FGD6: variants seen among roughly 807,000 people sequenced by gnomAD.
FGD6 encodes the protein FYVE, RhoGEF and PH domain containing 6, also known as FYVE, RhoGEF and PH domain-containing protein 6.
FGD6 carries 90 observed loss-of-function variants against 149.4 expected under a neutral mutation model. The observed-to-expected ratio is 0.60, with a 90% CI of 0.51 to 0.72. The LOEUF is 0.72. Ranked by LOEUF, FGD6 falls within the 30% of genes least tolerant of loss-of-function variation. The pLI, the probability that FGD6 is intolerant of heterozygous loss-of-function variation, is 0.00. For missense variants in FGD6, 1,437 were observed against 1,684.8 expected (o/e 0.85, Z 2.57); for synonymous variants, 527 against 584.0 (o/e 0.90, Z 1.41).
Position 95,153,009 on chromosome 12 carries a change from C to G in FGD6, c.2587-16G>C, listed in dbSNP as rs1880355021. ...TATCTTCATCCTGTGGATAAGAGCACATTTAACATGAACTCATAAAAGAAT... is the reference window on the plus strand; with the variant it reads ...TATCTTCATCCTGTGGATAAGAGCAGATTTAACATGAACTCATAAAAGAAT... On this transcript the variant is annotated splice_polypyrimidine_tract_variant and intron_variant, in intron 3 of 20. Coordinates refer to ENST00000343958, the MANE Select transcript of FGD6 (RefSeq NM_018351.4). The G allele has an allele frequency of 1.2e-6, 2 of 1,607,826 alleles. No homozygotes were observed. Among genetic ancestry groups the G allele is most frequent in the Non-Finnish European group, 1.7e-6 (2 of 1,174,822 alleles).
intron 18 of FGD6, among the ~76,000 whole-genome samples, chr12:95,088,687 C>G (rs1218991907): frequency 6.6e-6 from 1 of 152,166 alleles, no homozygotes; most frequent in Non-Finnish European, 1.5e-5. Flanking sequence ...ACCCAATATT[C>G]AACAAGAGAT....
chr12:95,106,836 G>A, intron 13 of FGD6, 118 bp downstream of exon 13: 1 of 753,872 alleles, frequency 1.3e-6, no homozygotes, highest in Middle Eastern at 3.4e-4. Context: ...GGAGGTTGCA[G>A]TCAGCCAAGA....
At chr12:95,191,258 C>T (rs1325683488) in intron 2 of FGD6, among the ~76,000 whole-genome samples, 1 of 152,184 alleles carries the variant, frequency 6.6e-6, no homozygotes, top group Non-Finnish European at 1.5e-5. Flanking sequence ...ATAACCATCC[C>T]ACAATACGGA....
At chr12:95,101,000 C>A in intron 14 of FGD6, 1 of 333,318 alleles carries the variant, frequency 3.0e-6, no homozygotes, top group Non-Finnish European at 5.8e-6. Context: ...CTCCAGCTGA[C>A]AGCGGAAGAG....
chr12:95,156,771 T>C (rs549188245), intron 3 of FGD6, among the ~76,000 whole-genome samples: 1 of 152,256 alleles, frequency 6.6e-6, no homozygotes, highest in Admixed American at 6.5e-5. Context: ...ACACTCAGCT[T>C]TAAAATTTCC....
At chr12:95,169,124 A>G (rs531670599) in intron 3 of FGD6, among the ~76,000 whole-genome samples, 5 of 152,346 alleles carry the variant, frequency 3.3e-5, no homozygotes, top group South Asian at 2.1e-4. Flanking sequence ...AAAATGTTCA[A>G]TGTCCATAAT....
intron 9 of FGD6, among the ~76,000 whole-genome samples, chr12:95,112,590 ACT>A (rs1878864185): frequency 6.6e-6 from 1 of 152,222 alleles, no homozygotes; most frequent in East Asian, 1.9e-4. Context: ...ACAGAGTGAG[ACT>A]CTGTCTCAAA....
chr12:95,166,515 C>T (rs908874268), intron 3 of FGD6, among the ~76,000 whole-genome samples: 2 of 151,902 alleles, frequency 1.3e-5, no homozygotes, highest in African/African-American at 4.8e-5. Flanking sequence ...TGGATGCCAG[C>T]CTGGGCAACA....
intron 19 of FGD6, 99 bp downstream of exon 19, chr12:95,085,681 A>G (rs1465212625): frequency 4.3e-6 from 6 of 1,390,434 alleles, no homozygotes; most frequent in Non-Finnish European, 4.8e-6. Flanking sequence ...GCAAAGCAAA[A>G]AATCTTATGT....
At chr12:95,152,079 A>C (rs956198596) in intron 5 of FGD6, among the ~76,000 whole-genome samples, 5 of 152,148 alleles carry the variant, frequency 3.3e-5, no homozygotes, top group African/African-American at 1.2e-4. Context: ...TAATCCCAGC[A>C]CTTTAGGAGG....
At position 95,186,051 on chromosome 12, in the gene FGD6, T is replaced by C. The variant is rs1592868234; in HGVS notation, c.2442-13307A>G. On this transcript the variant is annotated intron_variant, in intron 2 of 20. Transcript: ENST00000343958. ...CAAGAGGAACTGAAAGTTGTTCTTGTTCCCCCTAGAAATCCCAAAATGTAG... is the reference window on the plus strand; with the variant it reads ...CAAGAGGAACTGAAAGTTGTTCTTGCTCCCCCTAGAAATCCCAAAATGTAG... Among the ~76,000 whole-genome samples, 5 of 152,122 alleles carry C rather than the reference T, an allele frequency of 3.3e-5. No homozygotes were observed. The South Asian group carries it at 1.0e-3, about 32-fold the overall frequency.
chr12:95,113,839 T>G (rs943186373), intron 8 of FGD6, 138 bp from the exon 9 acceptor site: 3 of 519,374 alleles, frequency 5.8e-6, no homozygotes, highest in Non-Finnish European at 1.0e-5. Flanking sequence ...TCTAAAAATG[T>G]GAAAAAATAA....
intron 8 of FGD6, chr12:95,116,909 A>G (rs1430442811): frequency 4.4e-6 from 2 of 455,908 alleles, no homozygotes; most frequent in Non-Finnish European, 8.8e-6. Context: ...CTGCAGCATA[A>G]GAATGTGACT....
chr12:95,149,755 C>T (rs1446073934), intron 5 of FGD6, among the ~76,000 whole-genome samples: 4 of 143,776 alleles, frequency 2.8e-5, no homozygotes, highest in African/African-American at 1.0e-4. Flanking sequence ...AGTGACTATA[C>T]ATATAGTATT....
intron 8 of FGD6, among the ~76,000 whole-genome samples, chr12:95,134,353 T>C (rs1432325558): frequency 6.6e-6 from 1 of 152,154 alleles, no homozygotes; most frequent in East Asian, 1.9e-4. Context: ...ATGATAATGC[T>C]ATATAAATAT....
At chr12:95,155,133 TTTTA>T (rs1228126547) in intron 3 of FGD6, among the ~76,000 whole-genome samples, 3 of 152,196 alleles carry the variant, frequency 2.0e-5, no homozygotes, top group Admixed American at 6.5e-5. Context: ...ACTGAAACCC[TTTTA>T]TTTGTTACTT....
Position 95,105,012 on chromosome 12 carries a change from T to C in FGD6, c.3492A>G (p.Ser1164=). The change falls in exon 14 of 21, where the codon TCA becomes TCG. Residue 1164 remains serine, a synonymous_variant. Transcript: ENST00000343958. ...AAGAAGAAGAAAAAATTTACCTGGC[T>C]GAGAGAATGAAGGAACGTTCTACAC... ...IESVERSFIL[S]ASSATERDEW... is the part of the protein sequence containing the mutation. 6.3e-7 allele frequency: 1 copy of C among 1,586,430 alleles called. No homozygotes were observed. The highest frequency in any genetic ancestry group is 8.5e-7 in the Non-Finnish European group (1 of 1,171,922).
At chr12:95,142,141 T>C (rs1879867432) in intron 5 of FGD6, among the ~76,000 whole-genome samples, 1 of 133,860 alleles carries the variant, frequency 7.5e-6, no homozygotes, top group South Asian at 2.3e-4. Context: ...CTCACTTTTG[T>C]ATTTTTTTTT....
At chr12:95,144,979 G>A (rs1197713430) in intron 5 of FGD6, among the ~76,000 whole-genome samples, 4 of 136,468 alleles carry the variant, frequency 2.9e-5, no homozygotes, top group Admixed American at 7.6e-5. Context: ...GTGAGCCACC[G>A]CACCCGGCCT....
Sources: gnomAD v4.1 joint callset for allele counts (sites outside exome capture counted in the v4.1 genomes callset) on GRCh38, gnomAD v4.1.1 for gene constraint, MANE v1.5 for transcripts, NCBI Gene and HGNC (gene_info 2026-07-23, HGNC 2026-07-21) for gene names.